CD58: variants seen among roughly 807,000 people sequenced by gnomAD.
CD58 encodes the protein CD58 molecule.
A neutral mutation model predicts 27.6 loss-of-function variants in CD58; 14 were observed. The observed-to-expected ratio is 0.51, with a 90% CI of 0.34 to 0.79. The LOEUF (loss-of-function observed/expected upper bound fraction) is 0.79. Ranked by LOEUF, CD58 falls within the 30% of genes least tolerant of loss-of-function variation. The pLI is 0.02. For synonymous variants in CD58, 117 were observed against 103.8 expected (o/e 1.13, Z -0.77); for missense variants, 268 against 301.7 (o/e 0.89, Z 0.83).
Position 116,571,009 on chromosome 1 carries a change from A to G in CD58, c.-37T>C. 1 of 1,516,768 alleles carries G rather than the reference A, an allele frequency of 6.6e-7. No homozygotes were observed. Among genetic ancestry groups the G allele is most frequent in the Non-Finnish European group, 8.8e-7 (1 of 1,133,262 alleles). The allele number at this position is 1,516,768 out of a possible 1,614,324, so 94.0% of individuals were successfully genotyped here. A position where few individuals can be genotyped will look rare whatever the true frequency, so the allele number is the denominator to read the frequency against. On this transcript the variant is annotated 5_prime_UTR_variant, in exon 1 of 6. Transcript: ENST00000369489. ...CCGGCCTCTGCGCGAGTGCCCAGCCACAAGCAGCCCTAAGTTCAAGCACCG... is the reference window on the plus strand; with the variant it reads ...CCGGCCTCTGCGCGAGTGCCCAGCCGCAAGCAGCCCTAAGTTCAAGCACCG...
At chr1:116,569,718 C>T (rs77840747) in intron 1 of CD58, among the ~76,000 whole-genome samples, 2 of 151,692 alleles carry the variant, frequency 1.3e-5, no homozygotes, top group East Asian at 3.9e-4. Flanking sequence ...TCTCCCACCT[C>T]AGCCTTCCGA....
intron 1 of CD58, among the ~76,000 whole-genome samples, chr1:116,551,488 A>G (rs1301209792): frequency 6.6e-6 from 1 of 152,186 alleles, no homozygotes; most frequent in Non-Finnish European, 1.5e-5. Flanking sequence ...AGAACTAAAG[A>G]GAGTTAGGGT....
intron 1 of CD58, among the ~76,000 whole-genome samples, chr1:116,567,527 A>G (rs1658981068): frequency 6.6e-6 from 1 of 152,054 alleles, no homozygotes; most frequent in South Asian, 2.1e-4. Flanking sequence ...AGTCCTGGCT[A>G]CTCAGAAGGC....
In CD58 at chr1:116,523,331, G is replaced by C. The variant is rs1406112830; in HGVS notation, c.629-1348C>G. Among the ~76,000 whole-genome samples, 3 of 152,112 alleles carry C rather than the reference G, an allele frequency of 2.0e-5. No homozygotes were observed. Among genetic ancestry groups the C allele is most frequent in the Non-Finnish European group, 2.9e-5 (2 of 68,018 alleles). Reference sequence around the variant, plus strand: ...TACACAATGCACTGCTAAAGGATTGGGGAGGGGTCACTAAGAACAAATGTG... The same window carrying C: ...TACACAATGCACTGCTAAAGGATTGCGGAGGGGTCACTAAGAACAAATGTG... On this transcript the variant is annotated intron_variant, in intron 3 of 5. Coordinates refer to ENST00000369489, the MANE Select transcript of CD58 (RefSeq NM_001779.3). This position sits in a 1 kb window ranked among gnomAD's most constrained non-coding sequence, Gnocchi z 4.4.
rs1009547009 is a variant in CD58, at chr1:116,570,941, A to T, written c.32T>A (p.Leu11Gln). MVAGSDAGRA[L>Q]GVLSVVCLLH... The stretch of plus-strand genomic sequence containing the variant: ...CAGGCAGACCACGCTGAGGACCCCC[A>T]GGGCCCGCCCCGCGTCGCTCCCAGC... Residue 11 changes from leucine (L) to glutamine (Q), a missense_variant, in exon 1 of 6, where the codon CTG becomes CAG. By Grantham distance (113) the Leu-to-Gln change is moderately radical (BLOSUM62 -2). Transcript: ENST00000369489. The surrounding 1 kb of genome is among the most constrained non-coding windows in gnomAD (Gnocchi z 6.4). 3 of 1,567,634 alleles carry T rather than the reference A, an allele frequency of 1.9e-6. No individual in the cohort carries two copies. Among genetic ancestry groups the T allele is most frequent in the Non-Finnish European group, 2.6e-6 (3 of 1,163,124 alleles).
intron 1 of CD58, among the ~76,000 whole-genome samples, chr1:116,554,894 C>T (rs1048568682): frequency 2.0e-5 from 3 of 152,070 alleles, no homozygotes; most frequent in Admixed American, 1.3e-4. Flanking sequence ...TTATTTCCTT[C>T]CTACAGTAAA....
At chr1:116,533,940 G>A (rs1657704942) in intron 3 of CD58, 1 of 1,421,532 alleles carries the variant, frequency 7.0e-7, no homozygotes, top group South Asian at 1.2e-5. Flanking sequence ...AGCTGGAAGG[G>A]GTGTGAGGGG....
rs55982573 is a variant in CD58 at position 116,532,856 on chromosome 1, C to T, written c.628+3109G>A. On this transcript the variant is annotated intron_variant, in intron 3 of 5. Coordinates refer to ENST00000369489, the MANE Select transcript of CD58 (RefSeq NM_001779.3). This position sits in a 1 kb window ranked among gnomAD's most constrained non-coding sequence, Gnocchi z 5.1. Reference sequence around the variant, plus strand: ...GTAAGCGCTGTCGACGGGATTGTGCCGCATGCGGCAAAGACTGAGGCCTCC... The same window carrying T: ...GTAAGCGCTGTCGACGGGATTGTGCTGCATGCGGCAAAGACTGAGGCCTCC... 0.011 allele frequency: 7,172 copies of T among 629,012 alleles called. 62 individuals are homozygous for T. Among genetic ancestry groups the T allele is most frequent in the Non-Finnish European group, 0.016 (5,452 of 350,384 alleles). 39.0% of individuals were successfully genotyped at this position (629,012 alleles called of 1,614,324 possible).
chr1:116,535,926 G>T (rs1414940735), intron 3 of CD58, 39 bp downstream of exon 3: 1 of 1,531,302 alleles, frequency 6.5e-7, no homozygotes, highest in Non-Finnish European at 8.9e-7. Context: ...CACATCTGTG[G>T]TCTGAAAGCC....
In CD58 at chr1:116,560,929, C is replaced by T. The variant is rs567482213; in HGVS notation, c.70+9974G>A. ...CCCTGAGATGGAAGTTGAGATTTGT[C>T]ATTGCAGAATTTAAGGGTCTGTGTC... On this transcript the variant is annotated intron_variant, in intron 1 of 5. Coordinates refer to ENST00000369489, the MANE Select transcript of CD58 (RefSeq NM_001779.3). Among the ~76,000 whole-genome samples, 12 of 152,192 alleles carry T rather than the reference C, an allele frequency of 7.9e-5. No homozygotes were observed. In the South Asian group the frequency reaches 2.1e-3, roughly 26 times the overall value.
chr1:116,528,642 A>G lies in CD58; in HGVS notation c.629-6659T>C, dbSNP rs1466867456. The stretch of plus-strand genomic sequence containing the variant: ...GGCTCCCATTTAGAGTTCTGTGTCA[A>G]TGTGGAGGGTGTTACAATCATCCTA... On this transcript the variant is annotated intron_variant, in intron 3 of 5. Coordinates refer to ENST00000369489, the MANE Select transcript of CD58 (RefSeq NM_001779.3). The surrounding 1 kb of genome is among the most constrained non-coding windows in gnomAD (Gnocchi z 4.4). 6.6e-6 allele frequency among the ~76,000 whole-genome samples: 1 copy of G among 152,208 alleles called. No individual in the cohort carries two copies. The highest frequency in any genetic ancestry group is 1.5e-5 in the Non-Finnish European group (1 of 68,042).
Position 116,524,018 on chromosome 1 carries a change from T to C in CD58, c.629-2035A>G, listed in dbSNP as rs1428167975. Among the ~76,000 whole-genome samples, 1 of 152,226 alleles carries C rather than the reference T, an allele frequency of 6.6e-6. No individual in the cohort carries two copies. Among genetic ancestry groups the C allele is most frequent in the Non-Finnish European group, 1.5e-5 (1 of 68,040 alleles). On this transcript the variant is annotated intron_variant, in intron 3 of 5. Coordinates refer to ENST00000369489, the MANE Select transcript of CD58 (RefSeq NM_001779.3). The surrounding 1 kb of genome is among the most constrained non-coding windows in gnomAD (Gnocchi z 4.6). ...ATTCTTATTGATGTTCCAATTGTCT[T>C]ATTTTTGGCCAGAGGGAACCTCTTC...
chr1:116,518,908 A>G, intron 5 of CD58: 1 of 1,068,106 alleles, frequency 9.4e-7, no homozygotes, highest in Non-Finnish European at 1.2e-6. Context: ...ATCCCAGCCC[A>G]TCACTTACTA....
chr1:116,564,641 T>C (rs2101230287), intron 1 of CD58, among the ~76,000 whole-genome samples: 1 of 152,302 alleles, frequency 6.6e-6, no homozygotes, highest in Non-Finnish European at 1.5e-5. Context: ...GAATCCCCAT[T>C]TATAAAATCA....
In CD58 at chr1:116,551,231, G is replaced by A. The variant is rs1041729563; in HGVS notation, c.71-6627C>T. On this transcript the variant is annotated intron_variant, in intron 1 of 5. Transcript: ENST00000369489. ...TGACTTCTCCTGTCTAGCTATGGAA[G>A]TCCTAGATGGCATCTTCTTCCAGTA... 2.6e-5 allele frequency among the ~76,000 whole-genome samples: 4 copies of A among 152,230 alleles called. No homozygotes were observed. In the East Asian group the frequency reaches 7.7e-4, roughly 29 times the overall value.
rs2101201999 is a variant in CD58 at position 116,550,551 on chromosome 1, C to T, written c.71-5947G>A. Among the ~76,000 whole-genome samples, 2 of 152,290 alleles carry T rather than the reference C, an allele frequency of 1.3e-5. No homozygotes were observed. The highest frequency in any genetic ancestry group is 3.9e-4 in the East Asian group (2 of 5,190). On this transcript the variant is annotated intron_variant, in intron 1 of 5. Transcript: ENST00000369489. The surrounding 1 kb of genome is among the most constrained non-coding windows in gnomAD (Gnocchi z 4.2). ...TGCTATTTCCACCCTTCAAAGTCAT[C>T]CATGAGGATCGGAATCAAATTCTTC...
At chr1:116,567,262 GA>G (rs1658971610) in intron 1 of CD58, among the ~76,000 whole-genome samples, 1 of 113,450 alleles carries the variant, frequency 8.8e-6, no homozygotes, top group Non-Finnish European at 1.9e-5. Context: ...GGAGGGAGGG[GA>G]GGGGAGAGAG....
At position 116,553,528 on chromosome 1, in the gene CD58, T is replaced by A. The variant is rs532788824; in HGVS notation, c.71-8924A>T. Reference sequence around the variant, plus strand: ...AGAGGAGGTGCCAGGAGGGCCAGGATGAATCACAGCTCTTACTTCCTCCTA... The same window carrying A: ...AGAGGAGGTGCCAGGAGGGCCAGGAAGAATCACAGCTCTTACTTCCTCCTA... On this transcript the variant is annotated intron_variant, in intron 1 of 5. Transcript: ENST00000369489. Among the ~76,000 whole-genome samples the A allele has an allele frequency of 8.6e-5, 13 of 151,966 alleles. No individual in the cohort carries two copies. The South Asian group carries it at 2.5e-3, about 29-fold the overall frequency.
rs1309363894 is a variant in CD58, at chr1:116,532,976, T to C, written c.628+2989A>G. On this transcript the variant is annotated intron_variant, in intron 3 of 5. Coordinates refer to ENST00000369489, the MANE Select transcript of CD58 (RefSeq NM_001779.3). This position sits in a 1 kb window ranked among gnomAD's most constrained non-coding sequence, Gnocchi z 5.1. ...TTCCGCCGGCTGGCTGGGTTCCTTGTTGGGATTAATTTCCACCTCATCCTC... is the reference window on the plus strand; with the variant it reads ...TTCCGCCGGCTGGCTGGGTTCCTTGCTGGGATTAATTTCCACCTCATCCTC... The C allele has an allele frequency of 7.8e-6, 7 of 896,054 alleles. No individual in the cohort carries two copies. Among genetic ancestry groups the C allele is most frequent in the East Asian group, 2.8e-5 (1 of 35,982 alleles). The allele number at this position is 896,054 out of a possible 1,614,324, so 55.5% of individuals were successfully genotyped here.
Sources: gnomAD v4.1 joint callset for allele counts (sites outside exome capture counted in the v4.1 genomes callset) on GRCh38, gnomAD v4.1.1 for gene constraint, Gnocchi (gnomAD v3.1) non-coding constraint, MANE v1.5 for transcripts, NCBI Gene and HGNC (gene_info 2026-07-23, HGNC 2026-07-21) for gene names.